RFX3: variants seen among roughly 807,000 people sequenced by gnomAD.
RFX3 encodes transcription factor RFX3.
Under a neutral mutation model 98.6 loss-of-function variants are expected in RFX3, and 14 were observed. That is an observed-to-expected ratio of 0.14 (90% CI 0.09 to 0.22). RFX3 has a LOEUF of 0.22. RFX3 is among the 10% of genes least tolerant of loss of function. RFX3 has a pLI of 1.00. For synonymous variants in RFX3, 383 were observed against 328.4 expected (o/e 1.17, Z -1.80); for missense variants, 639 against 926.9 (o/e 0.69, Z 4.03).
intron 9 of RFX3, among the ~76,000 whole-genome samples, chr9:3,271,860 G>T (rs1287672075): frequency 6.6e-6 from 1 of 152,168 alleles, no homozygotes; most frequent in East Asian, 1.9e-4. Flanking sequence ...CAGGCCTTCA[G>T]TGGATACTGC....
chr9:3,272,280 T>C (rs923985040), intron 9 of RFX3, among the ~76,000 whole-genome samples: 1 of 152,108 alleles, frequency 6.6e-6, no homozygotes, highest in Non-Finnish European at 1.5e-5. Flanking sequence ...CCCACAAAGA[T>C]CTATAAAATT....
intron 14 of RFX3, among the ~76,000 whole-genome samples, chr9:3,249,678 G>C (rs954088123): frequency 2.0e-5 from 3 of 151,998 alleles, no homozygotes; most frequent in Admixed American, 1.3e-4. Flanking sequence ...ATAATAATAA[G>C]AATAAGCACG....
rs527269179 is a variant in RFX3, at chr9:3,219,148, T to A, written c.*5894A>T. 1 of 152,064 alleles carries A rather than the reference T, an allele frequency of 6.6e-6. No homozygotes were observed. The highest frequency in any genetic ancestry group is 1.5e-5 in the Non-Finnish European group (1 of 67,984). 9.4% of individuals were successfully genotyped at this position (152,064 alleles called of 1,614,324 possible). A position where few individuals can be genotyped will look rare whatever the true frequency, so the allele number is the denominator to read the frequency against. ...TGATGGAAATGAGTAGAGAAAAAAA[T>A]TTGCTTTGGTACAAAAGATGCTTTT... On this transcript the variant is annotated 3_prime_UTR_variant, in exon 17 of 17. Transcript: ENST00000617270.
chr9:3,485,531 T>C (rs1156654215), intron 1 of RFX3, among the ~76,000 whole-genome samples: 2 of 152,350 alleles, frequency 1.3e-5, no homozygotes, highest in Middle Eastern at 3.4e-3. Context: ...TCTAACATTG[T>C]TGACTAATTT....
Position 3,509,998 on chromosome 9 carries a change from C to G in RFX3, c.-9+15749G>C, listed in dbSNP as rs554208562. 3.3e-5 allele frequency among the ~76,000 whole-genome samples: 5 copies of G among 152,014 alleles called. No homozygotes were observed. In the East Asian group the frequency reaches 9.6e-4, roughly 29 times the overall value. On this transcript the variant is annotated intron_variant, in intron 1 of 16. Coordinates refer to ENST00000617270, the MANE Select transcript of RFX3 (RefSeq NM_001282116.2). ...GTCCATTCCAACTAAAAGAATCTGA[C>G]TCTAAAATAAAACATTCTAATTATG... is the stretch of plus-strand genomic sequence containing the variant.
chr9:3,421,075 G>A (rs1587610946), intron 1 of RFX3: 2 of 260,842 alleles, frequency 7.7e-6, no homozygotes, highest in African/African-American at 4.7e-5. Flanking sequence ...ATCTCCTGAG[G>A]CTCTGGAGTG....
chr9:3,224,926 A>G lies in RFX3; in HGVS notation c.*116T>C. On this transcript the variant is annotated 3_prime_UTR_variant, in exon 17 of 17. Coordinates refer to ENST00000617270, the MANE Select transcript of RFX3 (RefSeq NM_001282116.2). ...TTCCATTTCACAACTCCAAAAAGTT[A>G]ATGTTCAGCACAGATAGAATTTGAC... 9.8e-7 allele frequency: 1 copy of G among 1,022,420 alleles called. No individual in the cohort carries two copies. Among genetic ancestry groups the G allele is most frequent in the Non-Finnish European group, 1.4e-6 (1 of 694,868 alleles). 63.3% of individuals were successfully genotyped at this position (1,022,420 alleles called of 1,614,324 possible).
chr9:3,373,225 G>T (rs1838060340), intron 2 of RFX3, among the ~76,000 whole-genome samples: 1 of 151,946 alleles, frequency 6.6e-6, no homozygotes, highest in African/African-American at 2.4e-5. Context: ...AATGGATGAG[G>T]GAATAAACTC....
chr9:3,340,098 G>A (rs151253341), intron 3 of RFX3, among the ~76,000 whole-genome samples: 9,672 of 152,044 alleles, frequency 0.064, 1,038 homozygotes, highest in African/African-American at 0.22. Flanking sequence ...AAATAATGCC[G>A]CATATCTACA....
At chr9:3,506,316 G>A (rs1050692241) in intron 1 of RFX3, among the ~76,000 whole-genome samples, 1 of 151,448 alleles carries the variant, frequency 6.6e-6, no homozygotes, top group Non-Finnish European at 1.5e-5. Flanking sequence ...TATCACAAAT[G>A]CAAACATGGA....
intron 4 of RFX3, among the ~76,000 whole-genome samples, chr9:3,328,755 G>A (rs971670066): frequency 1.3e-5 from 2 of 152,018 alleles, no homozygotes; most frequent in African/African-American, 4.8e-5. Context: ...TATATACAAA[G>A]TACTTACCAA....
At chr9:3,470,449 G>C (rs1335194210) in intron 1 of RFX3, among the ~76,000 whole-genome samples, 1 of 151,238 alleles carries the variant, frequency 6.6e-6, no homozygotes, top group Non-Finnish European at 1.5e-5. Context: ...CGAGTAGCTG[G>C]GACTACAGGT....
Position 3,525,945 on chromosome 9 carries a change from A to C in RFX3, c.-207T>G. ...TCACAAAAGAGAGAGAGAGAGGGAG[A>C]GAGAGAGAGAGCGAGAGGGAGAGGG... On this transcript the variant is annotated 5_prime_UTR_variant, in exon 1 of 17. Coordinates refer to ENST00000617270, the MANE Select transcript of RFX3 (RefSeq NM_001282116.2). 1 of 828,064 alleles carries C rather than the reference A, an allele frequency of 1.2e-6. No individual in the cohort carries two copies. Among genetic ancestry groups the C allele is most frequent in the Non-Finnish European group, 1.4e-6 (1 of 694,948 alleles). 51.3% of individuals were successfully genotyped at this position (828,064 alleles called of 1,614,324 possible).
chr9:3,391,396 C>G (rs549922004), intron 2 of RFX3, among the ~76,000 whole-genome samples: 1 of 152,172 alleles, frequency 6.6e-6, no homozygotes, highest in Non-Finnish European at 1.5e-5. Flanking sequence ...GACAACATAA[C>G]AAGGGTCTCC....
intron 1 of RFX3, among the ~76,000 whole-genome samples, chr9:3,403,343 T>C (rs186327618): frequency 1.3e-5 from 2 of 152,250 alleles, no homozygotes; most frequent in Non-Finnish European, 2.9e-5. Context: ...ATTTTCTGTA[T>C]TATAAAAACG....
intron 11 of RFX3, among the ~76,000 whole-genome samples, chr9:3,267,785 C>G (rs970122327): frequency 2.0e-5 from 3 of 151,636 alleles, no homozygotes; most frequent in Non-Finnish European, 3.0e-5. Flanking sequence ...GGAGGGCAGG[C>G]ATGAATGGAA....
intron 1 of RFX3, among the ~76,000 whole-genome samples, chr9:3,427,303 T>C (rs1331591451): frequency 7.0e-6 from 1 of 142,902 alleles, no homozygotes; most frequent in Non-Finnish European, 1.5e-5. Context: ...TAAATATATA[T>C]TGTATTACAT....
chr9:3,394,433 A>G (rs370519057), intron 2 of RFX3, among the ~76,000 whole-genome samples: 56 of 152,344 alleles, frequency 3.7e-4, no homozygotes, highest in African/African-American at 1.3e-3. Context: ...ACTGCACTGC[A>G]GCCTGGGAGA....
chr9:3,398,665 C>G (rs939166203), intron 1 of RFX3, among the ~76,000 whole-genome samples: 1 of 152,122 alleles, frequency 6.6e-6, no homozygotes, highest in Non-Finnish European at 1.5e-5. Context: ...CGCACTAAAT[C>G]TGCCTCCTAT....
Sources: gnomAD v4.1 joint callset for allele counts (sites outside exome capture counted in the v4.1 genomes callset) on GRCh38, gnomAD v4.1.1 for gene constraint, MANE v1.5 for transcripts, NCBI Gene and HGNC (gene_info 2026-07-23, HGNC 2026-07-21) for gene names.